WWP2: variants seen among roughly 807,000 people sequenced by gnomAD.
WWP2 encodes the protein NEDD4-like E3 ubiquitin-protein ligase WWP2.
WWP2 carries 57 observed loss-of-function variants against 121.0 expected under a neutral mutation model. That is an observed-to-expected ratio of 0.47 (90% CI 0.38 to 0.59). The LOEUF is 0.59. Among genes scored for constraint, WWP2 ranks in the 20% least tolerant of loss-of-function variants. WWP2 has a pLI of 0.00. For synonymous variants in WWP2, 449 were observed against 441.3 expected, an observed-to-expected ratio of 1.02 and a Z score of -0.22; for missense variants, 962 against 1,158.9, an observed-to-expected ratio of 0.83 and a Z score of 2.47.
At chr16:69,882,757 C>T (rs1315863136) in intron 7 of WWP2, among the ~76,000 whole-genome samples, 1 of 152,168 alleles carries the variant, frequency 6.6e-6, no homozygotes, top group African/African-American at 2.4e-5. Flanking sequence ...AATCTGCCCT[C>T]GCTCTCAAGA....
intron 1 of WWP2, among the ~76,000 whole-genome samples, chr16:69,764,000 C>A (rs547988079): frequency 6.0e-4 from 91 of 152,266 alleles, no homozygotes; most frequent in African/African-American, 2.1e-3. Flanking sequence ...TTCCCATTTA[C>A]AAAGAGCGTA....
At chr16:69,924,937 C>T (rs1330535985) in intron 10 of WWP2, 7 of 986,448 alleles carry the variant, frequency 7.1e-6, no homozygotes, top group East Asian at 2.3e-4. Context: ...AAGCTCTGGG[C>T]GTGGGCAGGG....
chr16:69,839,858 C>T (rs1210970810), intron 4 of WWP2, among the ~76,000 whole-genome samples: 4 of 152,194 alleles, frequency 2.6e-5, no homozygotes, highest in Non-Finnish European at 5.9e-5. Flanking sequence ...CAAACTAATA[C>T]ATCAGTAATG....
intron 1 of WWP2, among the ~76,000 whole-genome samples, chr16:69,764,631 T>C (rs564364505): frequency 2.6e-5 from 4 of 152,340 alleles, no homozygotes; most frequent in African/African-American, 9.6e-5. Context: ...TAGCTTCCTC[T>C]TCCTGGGAAA....
chr16:69,937,417 C>T lies in WWP2; in HGVS notation c.2239-131C>T, dbSNP rs2058816155. The stretch of plus-strand genomic sequence containing the variant: ...CTTGTTTCAAGAAAGCAGGGACTTA[C>T]ATTACCCATATTATTAACGCTGACA... On this transcript the variant is annotated intron_variant, in intron 20 of 23. Transcript: ENST00000359154. This position sits in a 1 kb window ranked among gnomAD's most constrained non-coding sequence, Gnocchi z 6.6. The T allele has an allele frequency of 1.5e-6, 2 of 1,344,358 alleles. No homozygotes were observed. Among genetic ancestry groups the T allele is most frequent in the African/African-American group, 2.9e-5 (2 of 68,750 alleles). The allele number at this position is 1,344,358 out of a possible 1,614,324, so 83.3% of individuals were successfully genotyped here. A position where few individuals can be genotyped will look rare whatever the true frequency, so the allele number is the denominator to read the frequency against.
chr16:69,923,644 C>G (rs952805384), intron 10 of WWP2, among the ~76,000 whole-genome samples: 3 of 152,200 alleles, frequency 2.0e-5, no homozygotes, highest in Admixed American at 6.5e-5. Context: ...GACTCCAAAA[C>G]AAGACCTGAA....
chr16:69,803,353 T>G (rs976642345), intron 4 of WWP2, among the ~76,000 whole-genome samples: 3 of 150,684 alleles, frequency 2.0e-5, no homozygotes, highest in African/African-American at 7.5e-5. Context: ...TTTTTTTACT[T>G]TGGAACATTT....
At chr16:69,792,640 A>G (rs1047440639) in intron 2 of WWP2, among the ~76,000 whole-genome samples, 3 of 152,162 alleles carry the variant, frequency 2.0e-5, no homozygotes, top group Admixed American at 6.5e-5. Context: ...AGTATCCCCA[A>G]TGGCAGGACA....
chr16:69,778,678 G>C (rs563785053), intron 1 of WWP2, among the ~76,000 whole-genome samples: 1 of 152,152 alleles, frequency 6.6e-6, no homozygotes, highest in African/African-American at 2.4e-5. Context: ...GTCTCGCTCT[G>C]TTGCCCAGGC....
At chr16:69,843,333 T>C (rs1041841001) in intron 6 of WWP2, among the ~76,000 whole-genome samples, 1 of 152,118 alleles carries the variant, frequency 6.6e-6, no homozygotes, top group Non-Finnish European at 1.5e-5. Flanking sequence ...ATTTTATACC[T>C]GTGTTAGTGG....
intron 4 of WWP2, among the ~76,000 whole-genome samples, chr16:69,827,046 G>C (rs1460279739): frequency 6.6e-6 from 1 of 150,850 alleles, no homozygotes; most frequent in East Asian, 1.9e-4. Flanking sequence ...TTCATCTTTA[G>C]CTCCCATCTT....
intron 4 of WWP2, among the ~76,000 whole-genome samples, chr16:69,817,367 G>T (rs771789461): frequency 1.4e-4 from 22 of 152,106 alleles, no homozygotes; most frequent in Non-Finnish European, 8.8e-5. Context: ...TCCCATCTTA[G>T]CCTCCCGAAT....
intron 2 of WWP2, among the ~76,000 whole-genome samples, chr16:69,792,865 AT>A (rs1477551539): frequency 6.6e-6 from 1 of 151,932 alleles, no homozygotes; most frequent in African/African-American, 2.4e-5. Flanking sequence ...CTAATATTTT[AT>A]TTTTTGTAGA....
intron 4 of WWP2, among the ~76,000 whole-genome samples, chr16:69,822,113 C>T (rs933204991): frequency 1.3e-5 from 2 of 152,158 alleles, no homozygotes; most frequent in Non-Finnish European, 2.9e-5. Context: ...GCGATCCTTC[C>T]ACCTCAGCCT....
chr16:69,799,508 GA>G lies in WWP2; in HGVS notation c.340+214del. 3.7e-6 allele frequency: 2 copies of G among 547,458 alleles called. No individual in the cohort carries two copies. The highest frequency in any genetic ancestry group is 6.1e-6 in the Non-Finnish European group (2 of 328,898). The allele number at this position is 547,458 out of a possible 1,614,324, so 33.9% of individuals were successfully genotyped here. On this transcript the variant is annotated intron_variant, in intron 4 of 23. Transcript: ENST00000359154. The surrounding 1 kb of genome is among the most constrained non-coding windows in gnomAD (Gnocchi z 4.5). ...CTTTGTCCAGGGCCTCTAGTAATGT[GA>G]TGCAGTGGTGTGTTGCCCTTTATCC...
At chr16:69,921,727 G>A (rs896852249) in intron 10 of WWP2, among the ~76,000 whole-genome samples, 18 of 152,126 alleles carry the variant, frequency 1.2e-4, no homozygotes, top group South Asian at 2.1e-4. Flanking sequence ...CTGTTGTGAC[G>A]GGACTATCAC....
chr16:69,868,669 A>G (rs981531014), intron 6 of WWP2, among the ~76,000 whole-genome samples: 80 of 36,680 alleles, frequency 2.2e-3, no homozygotes, highest in African/African-American at 7.6e-3. Context: ...GTGCACACAC[A>G]CACACACACA....
At position 69,935,641 on chromosome 16, in the gene WWP2, C is replaced by T. The variant is rs1241668441; in HGVS notation, c.1843-212C>T. ...TGCCCAGTCCTTGCGGTCTGCAGGGCAGGGTGGGAGTCCCTCTGTAGGTAC... is the reference window on the plus strand; with the variant it reads ...TGCCCAGTCCTTGCGGTCTGCAGGGTAGGGTGGGAGTCCCTCTGTAGGTAC... On this transcript the variant is annotated intron_variant, in intron 17 of 23. Transcript: ENST00000359154. This position sits in a 1 kb window ranked among gnomAD's most constrained non-coding sequence, Gnocchi z 5.2. Among the ~76,000 whole-genome samples, 1 of 152,210 alleles carries T rather than the reference C, an allele frequency of 6.6e-6. No homozygotes were observed. The highest frequency in any genetic ancestry group is 1.5e-5 in the Non-Finnish European group (1 of 68,036).
In WWP2 at chr16:69,937,435, C is replaced by T. The variant is rs987039526; in HGVS notation, c.2239-113C>T. 3.3e-5 allele frequency: 45 copies of T among 1,366,748 alleles called. 1 individual carries two copies. In the Middle Eastern group the frequency reaches 7.3e-4, roughly 22 times the overall value. 84.7% of individuals were successfully genotyped at this position (1,366,748 alleles called of 1,614,324 possible). A position where few individuals can be genotyped will look rare whatever the true frequency, so the allele number is the denominator to read the frequency against. On this transcript the variant is annotated intron_variant, in intron 20 of 23. Coordinates refer to ENST00000359154, the MANE Select transcript of WWP2 (RefSeq NM_001270454.2). The surrounding 1 kb of genome is among the most constrained non-coding windows in gnomAD (Gnocchi z 6.6). ...GGACTTACATTACCCATATTATTAA[C>T]GCTGACACCAAAAATAGCTAGTTGA...
Sources: gnomAD v4.1 joint callset for allele counts (sites outside exome capture counted in the v4.1 genomes callset) on GRCh38, gnomAD v4.1.1 for gene constraint, Gnocchi (gnomAD v3.1) non-coding constraint, MANE v1.5 for transcripts, NCBI Gene and HGNC (gene_info 2026-07-23, HGNC 2026-07-21) for gene names.